The following GUCY1A2 variants were observed in gnomAD, a reference collection of about 807,000 sequenced individuals.
GUCY1A2 encodes the protein guanylate cyclase soluble subunit alpha-2.
Under a neutral mutation model 63.5 loss-of-function variants are expected in GUCY1A2, and 27 were observed. The ratio of observed to expected loss-of-function variants is 0.43; its 90% confidence interval spans 0.31 to 0.59. GUCY1A2 has a LOEUF of 0.59. GUCY1A2 is among the 20% of genes least tolerant of loss of function. The pLI, the probability that GUCY1A2 is intolerant of heterozygous loss-of-function variation, is 0.11. For synonymous variants in GUCY1A2, 364 were observed against 343.5 expected, an observed-to-expected ratio of 1.06 and a Z score of -0.66; for missense variants, 768 against 913.3, an observed-to-expected ratio of 0.84 and a Z score of 2.05.
chr11:106,916,953 A>C lies in GUCY1A2; in HGVS notation c.1206+22507T>G, dbSNP rs1040693709. ...ATTAATTTTTAAAACATTTAATGAG[A>C]ATCTATTATGTAATTAAAATGTTGT... On this transcript the variant is annotated intron_variant, in intron 4 of 7. Transcript: ENST00000526355. Among the ~76,000 whole-genome samples, 4 of 146,108 alleles carry C rather than the reference A, an allele frequency of 2.7e-5. 1 individual carries two copies. The highest frequency in any genetic ancestry group is 9.7e-5 in the African/African-American group (4 of 41,060).
intron 4 of GUCY1A2, among the ~76,000 whole-genome samples, chr11:106,833,470 A>C (rs1438104035): frequency 6.6e-6 from 1 of 152,050 alleles, no homozygotes; most frequent in African/African-American, 2.4e-5. Context: ...ATATTACAAC[A>C]ACTTTCACCA....
chr11:106,842,420 G>T (rs910154302), intron 4 of GUCY1A2, among the ~76,000 whole-genome samples: 2 of 151,964 alleles, frequency 1.3e-5, no homozygotes, highest in African/African-American at 4.8e-5. Context: ...CTTTGAGTCA[G>T]TGTTGTAGAA....
intron 6 of GUCY1A2, among the ~76,000 whole-genome samples, chr11:106,744,936 C>T (rs1863760336): frequency 6.6e-6 from 1 of 152,012 alleles, no homozygotes; most frequent in Admixed American, 6.6e-5. Context: ...AAGGCTGCCT[C>T]ATCAAATATT....
At chr11:106,993,298 AAT>A (rs1285897357) in intron 1 of GUCY1A2, among the ~76,000 whole-genome samples, 4 of 152,212 alleles carry the variant, frequency 2.6e-5, no homozygotes, top group Admixed American at 6.5e-5. Context: ...TCCACAACTT[AAT>A]CAGAATTATA....
chr11:106,856,230 C>T (rs980684024), intron 4 of GUCY1A2, among the ~76,000 whole-genome samples: 9 of 151,870 alleles, frequency 5.9e-5, no homozygotes, highest in Non-Finnish European at 1.2e-4. Flanking sequence ...GCAGAGGTTG[C>T]AGTGAGCTGA....
intron 1 of GUCY1A2, among the ~76,000 whole-genome samples, chr11:107,010,211 G>T (rs527947255): frequency 5.3e-5 from 8 of 152,008 alleles, no homozygotes; most frequent in Non-Finnish European, 1.0e-4. Flanking sequence ...AATGACTCTA[G>T]CCCTCAATGT....
intron 7 of GUCY1A2, among the ~76,000 whole-genome samples, chr11:106,692,192 G>T (rs955339597): frequency 6.6e-6 from 1 of 152,112 alleles, no homozygotes; most frequent in African/African-American, 2.4e-5. Flanking sequence ...TGGAAGGTTA[G>T]ATTCTATATA....
At chr11:106,704,787 T>C (rs1286054952) in intron 7 of GUCY1A2, among the ~76,000 whole-genome samples, 2 of 151,898 alleles carry the variant, frequency 1.3e-5, no homozygotes, top group African/African-American at 4.8e-5. Flanking sequence ...CAATTATTTC[T>C]GTTTTATAGA....
At chr11:106,947,111 T>C (rs1344856985) in intron 3 of GUCY1A2, among the ~76,000 whole-genome samples, 1 of 150,882 alleles carries the variant, frequency 6.6e-6, no homozygotes, top group Non-Finnish European at 1.5e-5. Context: ...CAGCTACTCA[T>C]GAGGCTGAGG....
intron 4 of GUCY1A2, among the ~76,000 whole-genome samples, chr11:106,926,129 A>G (rs544653356): frequency 1.6e-4 from 24 of 152,316 alleles, no homozygotes; most frequent in African/African-American, 5.3e-4. Flanking sequence ...CTAGAAATTT[A>G]TCAGACTAGG....
chr11:106,946,639 A>G (rs950445461), intron 3 of GUCY1A2, among the ~76,000 whole-genome samples: 1 of 152,162 alleles, frequency 6.6e-6, no homozygotes, highest in African/African-American at 2.4e-5. Flanking sequence ...GACAAAGTAA[A>G]ACAAAATCAC....
chr11:107,002,314 C>A lies in GUCY1A2; in HGVS notation c.303+15439G>T, dbSNP rs1044495911. Among the ~76,000 whole-genome samples the A allele has an allele frequency of 1.1e-4, 16 of 151,692 alleles. No individual in the cohort carries two copies. The East Asian group carries it at 2.9e-3, about 28-fold the overall frequency. ...GTTCCCTCCATTAGTGACCTTTCTA[C>A]CAGTATCAAAAAAGTGTCAAAAAGA... On this transcript the variant is annotated intron_variant, in intron 1 of 7. Coordinates refer to ENST00000526355, the MANE Select transcript of GUCY1A2 (RefSeq NM_000855.3).
chr11:106,886,233 T>C (rs150796773), intron 4 of GUCY1A2, among the ~76,000 whole-genome samples: 2 of 152,312 alleles, frequency 1.3e-5, no homozygotes, highest in African/African-American at 2.4e-5. Flanking sequence ...TGTGTCTTTA[T>C]AGTAAAAGTG....
chr11:107,006,651 C>G (rs1181538223), intron 1 of GUCY1A2, among the ~76,000 whole-genome samples: 1 of 152,144 alleles, frequency 6.6e-6, no homozygotes, highest in Non-Finnish European at 1.5e-5. Flanking sequence ...ACCACAAGTA[C>G]CATTTACTTC....
intron 4 of GUCY1A2, among the ~76,000 whole-genome samples, chr11:106,812,670 T>C (rs1383574262): frequency 6.6e-6 from 1 of 151,944 alleles, no homozygotes; most frequent in African/African-American, 2.4e-5. Context: ...TAAATATTAA[T>C]TTATAAAAAG....
At chr11:106,840,823 T>A (rs1260864530) in intron 4 of GUCY1A2, among the ~76,000 whole-genome samples, 1 of 151,982 alleles carries the variant, frequency 6.6e-6, no homozygotes, top group Non-Finnish European at 1.5e-5. Flanking sequence ...TTCAGCTATT[T>A]TCTTAAATTA....
At chr11:106,856,734 T>C (rs757803566) in intron 4 of GUCY1A2, among the ~76,000 whole-genome samples, 1 of 152,172 alleles carries the variant, frequency 6.6e-6, no homozygotes, top group Non-Finnish European at 1.5e-5. Flanking sequence ...ACGGTGTGCA[T>C]TGTACTGAAA....
At chr11:106,756,103 G>A (rs1863969176) in intron 6 of GUCY1A2, among the ~76,000 whole-genome samples, 1 of 152,108 alleles carries the variant, frequency 6.6e-6, no homozygotes, top group Admixed American at 6.5e-5. Flanking sequence ...ATTATGTAAT[G>A]GCCTTCTTTG....
chr11:106,845,407 A>C (rs1000240050), intron 4 of GUCY1A2, among the ~76,000 whole-genome samples: 6 of 151,570 alleles, frequency 4.0e-5, no homozygotes, highest in Admixed American at 1.3e-4. Flanking sequence ...AACTGTTTAC[A>C]TGAAGGAAAG....
Sources: allele counts gnomAD v4.1 joint callset (sites outside exome capture counted in the v4.1 genomes callset), GRCh38; gene constraint gnomAD v4.1.1; transcripts MANE v1.5; gene names NCBI Gene and HGNC (gene_info 2026-07-23, HGNC 2026-07-21).